The following SOX5 variants were observed in gnomAD, a reference collection of about 807,000 sequenced individuals.
The protein encoded by SOX5 is transcription factor SOX-5.
Under a neutral mutation model 92.0 loss-of-function variants are expected in SOX5, and 9 were observed. The ratio of observed to expected loss-of-function variants is 0.10; its 90% CI spans 0.06 to 0.17. SOX5 has a LOEUF of 0.17. SOX5 is among the 10% of genes least tolerant of loss of function. The probability of loss-of-function intolerance (pLI) is 1.00; values close to 1 mark genes in which losing one functional copy is unlikely to be tolerated. For missense variants in SOX5, 642 were observed against 944.5 expected, an observed-to-expected ratio of 0.68 and a Z score of 4.20; for synonymous variants, 344 against 336.3, an observed-to-expected ratio of 1.02 and a Z score of -0.25.
intron 3 of SOX5, among the ~76,000 whole-genome samples, chr12:23,769,362 GAA>G (rs547044114): frequency 4.2e-5 from 6 of 142,776 alleles, no homozygotes; most frequent in African/African-American, 7.6e-5. Flanking sequence ...AGCATGGAAG[GAA>G]AAAAAAAAAA....
At chr12:24,285,274 T>C (rs926018340) in intron 2 of SOX5, among the ~76,000 whole-genome samples, 13 of 152,016 alleles carry the variant, frequency 8.6e-5, no homozygotes, top group African/African-American at 2.9e-4. Context: ...CTGAGCTCCT[T>C]TGAAGTATTA....
chr12:24,028,224 G>A (rs1955095626), intron 4 of SOX5, among the ~76,000 whole-genome samples: 2 of 151,876 alleles, frequency 1.3e-5, no homozygotes, highest in African/African-American at 4.8e-5. Context: ...TGACCATACT[G>A]TCTTCTAGTC....
chr12:23,831,021 T>A (rs561104257), intron 3 of SOX5, among the ~76,000 whole-genome samples: 183 of 152,234 alleles, frequency 1.2e-3, no homozygotes, highest in African/African-American at 3.8e-3. Flanking sequence ...ACAGCACAGA[T>A]GAAAATATAC....
intron 2 of SOX5, among the ~76,000 whole-genome samples, chr12:24,364,543 T>C (rs578217019): frequency 9.5e-5 from 13 of 137,470 alleles, no homozygotes; most frequent in South Asian, 4.8e-4. Flanking sequence ...TATATATATA[T>C]ACACGAATAA....
chr12:24,327,659 C>T (rs1950867628), intron 2 of SOX5, among the ~76,000 whole-genome samples: 1 of 151,936 alleles, frequency 6.6e-6, no homozygotes, highest in South Asian at 2.1e-4. Flanking sequence ...TCTCCGCTCA[C>T]TGCAAACTCT....
In SOX5 at chr12:24,303,496, CA is replaced by C. The variant is rs200526303; in HGVS notation, c.-173-26185del. Among the ~76,000 whole-genome samples, 1,081 of 151,942 alleles carry C rather than the reference CA, an allele frequency of 7.1e-3. 13 individuals carry two copies. The highest frequency in any genetic ancestry group is 0.025 in the African/African-American group (1,050 of 41,420). ...CTATTTATATAGCACAGTATCTAAA[CA>C]AAAAAATAGGTATTTTTAAGTTTAG... is the stretch of plus-strand genomic sequence containing the variant. On this transcript the variant is annotated intron_variant, in intron 2 of 4. Transcript: ENST00000446891.
At position 23,970,841 on chromosome 12, in the gene SOX5, A is replaced by ATTTTTTTTTTTTTT. The variant is rs1555456188; in HGVS notation, c.-1-74831_-1-74818dup. On this transcript the variant is annotated intron_variant, in intron 4 of 4. Transcript: ENST00000446891. ...ACATGGGACTTTATATATATATATAATTTTTTTTTTTTTTTAAGAAATGGG... is the reference window on the plus strand; with the variant it reads ...ACATGGGACTTTATATATATATATAATTTTTTTTTTTTTTTTTTTTTTTTTTTTTAAGAAATGGG... Among the ~76,000 whole-genome samples the ATTTTTTTTTTTTTT allele has an allele frequency of 1.4e-4, 3 of 21,876 alleles. 1 individual carries two copies. Among genetic ancestry groups the ATTTTTTTTTTTTTT allele is most frequent in the Non-Finnish European group, 3.1e-4 (3 of 9,704 alleles). 14.4% of individuals were successfully genotyped at this position (21,876 alleles called of 152,430 possible). A position where few individuals can be genotyped will look rare whatever the true frequency, so the allele number is the denominator to read the frequency against.
chr12:23,847,091 A>AT (rs1013270105), intron 2 of SOX5, among the ~76,000 whole-genome samples: 4 of 152,100 alleles, frequency 2.6e-5, no homozygotes, highest in African/African-American at 9.7e-5. Context: ...TATTAAGGTG[A>AT]TTTTTTAGAA....
At chr12:24,092,670 CA>C (rs1292993655) in intron 4 of SOX5, among the ~76,000 whole-genome samples, 2 of 152,158 alleles carry the variant, frequency 1.3e-5, no homozygotes, top group Non-Finnish European at 2.9e-5. Flanking sequence ...GCAACGGATA[CA>C]AAAGTTTCAT....
intron 8 of SOX5, among the ~76,000 whole-genome samples, chr12:23,628,895 T>TTG (rs1421042647): frequency 3.3e-5 from 5 of 151,922 alleles, no homozygotes; most frequent in Admixed American, 2.6e-4. Context: ...CAGCTCGAAA[T>TTG]TGTCATGTGG....
At chr12:23,743,821 A>G (rs974182981) in intron 4 of SOX5, among the ~76,000 whole-genome samples, 7 of 152,136 alleles carry the variant, frequency 4.6e-5, no homozygotes, top group Non-Finnish European at 1.0e-4. Context: ...TGGGAAAAAA[A>G]GTCTGCATAT....
intron 4 of SOX5, among the ~76,000 whole-genome samples, chr12:23,993,904 T>TATGTATGTATGC (rs1291001428): frequency 6.7e-6 from 1 of 149,280 alleles, no homozygotes; most frequent in African/African-American, 2.5e-5. Flanking sequence ...TGTATGTATG[T>TATGTATGTATGC]ATGTATGTAT....
chr12:24,360,994 G>A (rs139115584), intron 2 of SOX5, among the ~76,000 whole-genome samples: 19 of 152,184 alleles, frequency 1.2e-4, no homozygotes, highest in African/African-American at 3.9e-4. Flanking sequence ...ATTGAAAGAC[G>A]CTGATGACAC....
chr12:24,222,156 T>A (rs1274236758), intron 3 of SOX5, among the ~76,000 whole-genome samples: 1 of 152,182 alleles, frequency 6.6e-6, no homozygotes, highest in Non-Finnish European at 1.5e-5. Context: ...AGCTCCTCTT[T>A]TCCCCCCCAC....
At chr12:23,849,682 A>C (rs2096610301) in intron 2 of SOX5, among the ~76,000 whole-genome samples, 1 of 152,212 alleles carries the variant, frequency 6.6e-6, no homozygotes, top group South Asian at 2.1e-4. Context: ...TAAAGAAAAC[A>C]AATGAGATAT....
intron 1 of SOX5, among the ~76,000 whole-genome samples, chr12:23,898,476 C>T (rs945801981): frequency 3.9e-5 from 6 of 152,126 alleles, no homozygotes; most frequent in Non-Finnish European, 7.4e-5. Flanking sequence ...ATTCTATGAC[C>T]TTCAGAACCA....
intron 2 of SOX5, among the ~76,000 whole-genome samples, chr12:24,356,880 A>T (rs980501659): frequency 6.6e-6 from 1 of 152,226 alleles, no homozygotes; most frequent in African/African-American, 2.4e-5. Context: ...GTTACATGTT[A>T]TATCTTTCTA....
intron 4 of SOX5, among the ~76,000 whole-genome samples, chr12:24,091,586 C>A (rs1006101886): frequency 6.6e-6 from 1 of 151,958 alleles, no homozygotes; most frequent in Non-Finnish European, 1.5e-5. Context: ...CACACCACCA[C>A]ACCCAGCTAG....
At chr12:23,834,145 T>C (rs1249314054) in intron 3 of SOX5, among the ~76,000 whole-genome samples, 2 of 151,966 alleles carry the variant, frequency 1.3e-5, no homozygotes, top group African/African-American at 2.4e-5. Context: ...TCTTAAGAAG[T>C]GAATAAAAAT....
Sources: allele counts gnomAD v4.1 joint callset (sites outside exome capture counted in the v4.1 genomes callset), GRCh38; gene constraint gnomAD v4.1.1; transcripts MANE v1.5; gene names NCBI Gene and HGNC (gene_info 2026-07-23, HGNC 2026-07-21).